Variants in MCC observed in about 807,000 individuals in gnomAD.
MCC encodes the protein colorectal mutant cancer protein.
In MCC, 90 loss-of-function variants were observed where a neutral mutation model predicts 116.2. The observed-to-expected ratio is 0.77, with a 90% CI of 0.65 to 0.92. The LOEUF (loss-of-function observed/expected upper bound fraction) is 0.92, where lower values mean the gene tolerates loss of function less well. Ranked by LOEUF, MCC falls within the 40% of genes least tolerant of loss-of-function variation. The pLI, the probability that MCC is intolerant of heterozygous loss-of-function variation, is 0.00. For missense variants in MCC, 1,516 were observed against 1,312.2 expected, an observed-to-expected ratio of 1.16 and a Z score of -2.40; for synonymous variants, 578 against 510.5, an observed-to-expected ratio of 1.13 and a Z score of -1.78.
At chr5:113,164,469 C>T (rs375833411) in intron 3 of MCC, among the ~76,000 whole-genome samples, 12 of 152,284 alleles carry the variant, frequency 7.9e-5, no homozygotes, top group East Asian at 1.9e-4. Context: ...AATCCTTGAT[C>T]GCCCAGGGGC....
intron 3 of MCC, among the ~76,000 whole-genome samples, chr5:113,309,124 A>C (rs1767073444): frequency 6.6e-6 from 1 of 152,202 alleles, no homozygotes. Context: ...TTCCTAACAG[A>C]ATTTGAATCA....
At chr5:113,415,681 A>C (rs7714221) in intron 1 of MCC, among the ~76,000 whole-genome samples, 26,038 of 151,986 alleles carry the variant, frequency 0.17, 2,448 homozygotes, top group Non-Finnish European at 0.22. Context: ...ATCTTTTTTC[A>C]AGGCTTTTAG....
At chr5:113,070,457 T>C (rs2150233745) in intron 12 of MCC, among the ~76,000 whole-genome samples, 1 of 152,264 alleles carries the variant, frequency 6.6e-6, no homozygotes, top group African/African-American at 2.4e-5. Flanking sequence ...ACTGTAGTTA[T>C]TTAAATTGAC....
At chr5:113,311,888 A>G (rs748986118) in intron 3 of MCC, among the ~76,000 whole-genome samples, 1 of 152,162 alleles carries the variant, frequency 6.6e-6, no homozygotes, top group Non-Finnish European at 1.5e-5. Flanking sequence ...CGGGCAGATC[A>G]CAAGGTCAGG....
chr5:113,443,424 C>A (rs905573827), intron 1 of MCC, among the ~76,000 whole-genome samples: 5 of 152,160 alleles, frequency 3.3e-5, no homozygotes, highest in Admixed American at 6.5e-5. Context: ...TTTAAACATA[C>A]AATCATGTCA....
rs913141221 is a variant in MCC at position 113,129,653 on chromosome 5, C to A, written c.885-6827G>T. Reference sequence around the variant, plus strand: ...TAAAAGGCAATACACCAAAAAACAACCCCATCAAAAAGTGGGCAAAGGATA... The same window carrying A: ...TAAAAGGCAATACACCAAAAAACAAACCCATCAAAAAGTGGGCAAAGGATA... On this transcript the variant is annotated intron_variant, in intron 5 of 18. Coordinates refer to ENST00000408903, the MANE Select transcript of MCC (RefSeq NM_001085377.2). Among the ~76,000 whole-genome samples, 3 of 152,192 alleles carry A rather than the reference C, an allele frequency of 2.0e-5. No homozygotes were observed. In the East Asian group the frequency reaches 5.8e-4, roughly 29 times the overall value.
At chr5:113,309,399 G>A (rs1378659343) in intron 3 of MCC, among the ~76,000 whole-genome samples, 1 of 151,944 alleles carries the variant, frequency 6.6e-6, no homozygotes, top group African/African-American at 2.4e-5. Context: ...GCATACCCAT[G>A]CATGCAGCAC....
chr5:113,466,650 G>C (rs1241206598), intron 1 of MCC, among the ~76,000 whole-genome samples: 1 of 152,096 alleles, frequency 6.6e-6, no homozygotes, highest in African/African-American at 2.4e-5. Flanking sequence ...ACATACGTGT[G>C]CATGTGTCTT....
intron 14 of MCC, among the ~76,000 whole-genome samples, chr5:113,062,041 C>G (rs1193293670): frequency 6.6e-6 from 1 of 152,108 alleles, no homozygotes; most frequent in East Asian, 1.9e-4. Flanking sequence ...AAATGAATGC[C>G]TCGTGTGTGG....
intron 3 of MCC, among the ~76,000 whole-genome samples, chr5:113,155,193 C>T (rs1018484566): frequency 6.6e-6 from 1 of 152,184 alleles, no homozygotes; most frequent in Admixed American, 6.5e-5. Context: ...GTTCTGTCCA[C>T]ACTGCTGCAA....
intron 3 of MCC, among the ~76,000 whole-genome samples, chr5:113,211,602 A>C (rs10519340): frequency 1.3e-5 from 2 of 152,194 alleles, no homozygotes; most frequent in Non-Finnish European, 2.9e-5. Context: ...TACTGTCAGC[A>C]TATCTAAAGA....
intron 3 of MCC, among the ~76,000 whole-genome samples, chr5:113,297,777 A>T: frequency 6.9e-6 from 1 of 145,812 alleles, no homozygotes. Context: ...AAAAAAAAGA[A>T]GGGACAATGG....
intron 3 of MCC, among the ~76,000 whole-genome samples, chr5:113,267,258 C>A (rs75445229): frequency 0.014 from 2,170 of 152,186 alleles, 58 homozygotes; most frequent in African/African-American, 0.049. Flanking sequence ...CACTGGCACA[C>A]CAAAAGTGAC....
Position 113,488,238 on chromosome 5 carries a change from C to A in MCC, c.170+7G>T. ...TCCTGTCGGTTTCCTCGTACCTCCC[C>A]GCGTACCTGCTGATGTATCCGTCCC... On this transcript the variant is annotated splice_region_variant and intron_variant, in intron 1 of 18. Transcript: ENST00000408903. 1 of 1,586,400 alleles carries A rather than the reference C, an allele frequency of 6.3e-7. No individual in the cohort carries two copies. The highest frequency in any genetic ancestry group is 8.6e-7 in the Non-Finnish European group (1 of 1,167,554).
At chr5:113,147,550 G>C (rs1331674604) in intron 4 of MCC, among the ~76,000 whole-genome samples, 2 of 152,202 alleles carry the variant, frequency 1.3e-5, no homozygotes, top group African/African-American at 4.8e-5. Context: ...ACCATCCCGT[G>C]AAGGGGGTTA....
chr5:113,087,339 T>C (rs1341880469), intron 8 of MCC, among the ~76,000 whole-genome samples: 1 of 152,210 alleles, frequency 6.6e-6, no homozygotes, highest in East Asian at 1.9e-4. Flanking sequence ...GGAGGATCGA[T>C]GGAAACGCTT....
intron 3 of MCC, among the ~76,000 whole-genome samples, chr5:113,155,898 G>A (rs905102612): frequency 1.3e-5 from 2 of 152,192 alleles, no homozygotes; most frequent in African/African-American, 4.8e-5. Context: ...GTTTGCGCTA[G>A]GTATAGCCAT....
At chr5:113,297,038 T>G (rs1005546191) in intron 3 of MCC, among the ~76,000 whole-genome samples, 1 of 152,222 alleles carries the variant, frequency 6.6e-6, no homozygotes, top group East Asian at 1.9e-4. Context: ...TAATGTTGAT[T>G]GTATGAGATT....
intron 3 of MCC, among the ~76,000 whole-genome samples, chr5:113,175,263 C>T (rs925388527): frequency 8.5e-5 from 13 of 152,106 alleles, no homozygotes; most frequent in Admixed American, 6.5e-5. Context: ...GTAGAACAAA[C>T]AAAATAATGA....
Sources: allele counts gnomAD v4.1 joint callset (sites outside exome capture counted in the v4.1 genomes callset), GRCh38; gene constraint gnomAD v4.1.1; transcripts MANE v1.5; gene names NCBI Gene and HGNC (gene_info 2026-07-23, HGNC 2026-07-21).